E2F3: variants seen among roughly 807,000 people sequenced by gnomAD.
E2F3 encodes E2F transcription factor 3.
Under a neutral mutation model 44.4 loss-of-function variants are expected in E2F3, and 11 were observed. That is an observed-to-expected ratio of 0.25 (90% CI 0.16 to 0.41). The LOEUF (loss-of-function observed/expected upper bound fraction) is 0.41. E2F3 is among the 10% of genes least tolerant of loss of function. The pLI is 1.00. For missense variants in E2F3, 487 were observed against 583.6 expected (o/e 0.83, Z 1.70); for synonymous variants, 249 against 253.0 (o/e 0.98, Z 0.15).
chr6:20,443,034 G>C (rs1760826879), intron 1 of E2F3, among the ~76,000 whole-genome samples: 1 of 152,154 alleles, frequency 6.6e-6, no homozygotes, highest in African/African-American at 2.4e-5. Context: ...AACGCAGGTG[G>C]CTCATGGGCA....
At chr6:20,444,803 A>T (rs1760887202) in intron 1 of E2F3, among the ~76,000 whole-genome samples, 1 of 152,216 alleles carries the variant, frequency 6.6e-6, no homozygotes, top group Non-Finnish European at 1.5e-5. Context: ...GGTCTTGGAA[A>T]ATGTTGTATG....
intron 1 of E2F3, chr6:20,421,989 C>T (rs536078225): frequency 6.6e-5 from 10 of 152,344 alleles, no homozygotes; most frequent in African/African-American, 2.4e-4. Context: ...ACCAAAGAGT[C>T]AGCCTGTCTT....
intron 1 of E2F3, among the ~76,000 whole-genome samples, chr6:20,418,553 A>C (rs188794527): frequency 1.4e-4 from 22 of 152,376 alleles, no homozygotes; most frequent in Admixed American, 3.3e-4. Flanking sequence ...AAAGGCGGAC[A>C]AACTAGACTG....
intron 1 of E2F3, among the ~76,000 whole-genome samples, chr6:20,445,313 C>T (rs1428237642): frequency 6.6e-6 from 1 of 151,748 alleles, no homozygotes; most frequent in Non-Finnish European, 1.5e-5. Context: ...GATCTCAGCT[C>T]ATTGCAACCT....
rs1207714000 is a variant in E2F3 at position 20,490,773 on chromosome 6, G to A, written c.*343G>A. 2 of 242,748 alleles carry A rather than the reference G, an allele frequency of 8.2e-6. No homozygotes were observed. Among genetic ancestry groups the A allele is most frequent in the African/African-American group, 2.2e-5 (1 of 45,460 alleles). The allele number at this position is 242,748 out of a possible 1,614,324, so 15.0% of individuals were successfully genotyped here. On this transcript the variant is annotated 3_prime_UTR_variant, in exon 7 of 7. Coordinates refer to ENST00000346618, the MANE Select transcript of E2F3 (RefSeq NM_001949.5). The surrounding 1 kb of genome is among the most constrained non-coding windows in gnomAD (Gnocchi z 4.3). ...CCCGGATTGGCTTGCTGTGCCTGAC[G>A]GATGGGCTGTAGAATGGGGTCTGGC...
At chr6:20,474,759 C>T (rs754937645) in intron 1 of E2F3, among the ~76,000 whole-genome samples, 3 of 152,204 alleles carry the variant, frequency 2.0e-5, no homozygotes, top group Non-Finnish European at 2.9e-5. Flanking sequence ...GCTGCTCCAT[C>T]AAATATCAAA....
chr6:20,451,222 C>G (rs532802144), intron 1 of E2F3, among the ~76,000 whole-genome samples: 1 of 151,728 alleles, frequency 6.6e-6, no homozygotes, highest in East Asian at 1.9e-4. Flanking sequence ...TATGTTTTCC[C>G]ATTTGTTTGT....
chr6:20,405,344 A>ATTTT (rs150647270), intron 1 of E2F3, among the ~76,000 whole-genome samples: 3 of 108,196 alleles, frequency 2.8e-5, no homozygotes, highest in African/African-American at 7.2e-5. Context: ...GGTTATCTGC[A>ATTTT]TTTTTTTTTT....
At chr6:20,486,252 T>C (rs1042588610) in intron 4 of E2F3, among the ~76,000 whole-genome samples, 2 of 152,180 alleles carry the variant, frequency 1.3e-5, no homozygotes, top group African/African-American at 2.4e-5. Context: ...ACCCTAAACA[T>C]TTGCACATCC....
chr6:20,466,215 C>T (rs1761706487), intron 1 of E2F3, among the ~76,000 whole-genome samples: 3 of 152,042 alleles, frequency 2.0e-5, no homozygotes, highest in African/African-American at 7.2e-5. Flanking sequence ...TAGGTTCAAG[C>T]GATTCTCCTA....
chr6:20,458,467 A>G (rs576189957), intron 1 of E2F3, among the ~76,000 whole-genome samples: 1 of 151,960 alleles, frequency 6.6e-6, no homozygotes, highest in South Asian at 2.1e-4. Flanking sequence ...CTCCCAGACC[A>G]TTTCTCCACT....
chr6:20,452,994 TGTTTG>T (rs1342684918), intron 1 of E2F3, among the ~76,000 whole-genome samples: 481 of 2,676 alleles, frequency 0.18, 19 homozygotes, highest in East Asian at 0.51. Context: ...TCTTTCTTTT[TGTTTG>T]TTTGTTTGTT....
chr6:20,463,676 G>A (rs922160265), intron 1 of E2F3, among the ~76,000 whole-genome samples: 4 of 152,132 alleles, frequency 2.6e-5, no homozygotes, highest in South Asian at 2.1e-4. Flanking sequence ...TTCACATCAC[G>A]CTTCTGACAC....
At chr6:20,423,246 T>A (rs1760086790) in intron 1 of E2F3, among the ~76,000 whole-genome samples, 1 of 152,224 alleles carries the variant, frequency 6.6e-6, no homozygotes, top group Admixed American at 6.5e-5. Flanking sequence ...TATAGCCTAC[T>A]ATACCCCAAG....
chr6:20,453,345 T>C (rs1214609264), intron 1 of E2F3, among the ~76,000 whole-genome samples: 1 of 152,230 alleles, frequency 6.6e-6, no homozygotes, highest in Non-Finnish European at 1.5e-5. Flanking sequence ...TTTTTTTACA[T>C]TTAAATATTT....
At chr6:20,486,429 C>T (rs1326469718) in intron 4 of E2F3, among the ~76,000 whole-genome samples, 2 of 152,154 alleles carry the variant, frequency 1.3e-5, no homozygotes, top group Admixed American at 6.5e-5. Flanking sequence ...CCCGCCACCA[C>T]GCCTGGCTAA....
At position 20,490,607 on chromosome 6, in the gene E2F3, A is replaced by T. The variant is rs1762529547; in HGVS notation, c.*177A>T. 2 of 640,192 alleles carry T rather than the reference A, an allele frequency of 3.1e-6. No homozygotes were observed. Among genetic ancestry groups the T allele is most frequent in the African/African-American group, 3.8e-5 (2 of 52,640 alleles). The allele number at this position is 640,192 out of a possible 1,614,324, so 39.7% of individuals were successfully genotyped here. Reference sequence around the variant, plus strand: ...TGAATTTTTTAAAAAATTAATAAACAAATTGTCTAAACGCACAGTTGCAGG... The same window carrying T: ...TGAATTTTTTAAAAAATTAATAAACTAATTGTCTAAACGCACAGTTGCAGG... On this transcript the variant is annotated 3_prime_UTR_variant, in exon 7 of 7. Transcript: ENST00000346618. This position sits in a 1 kb window ranked among gnomAD's most constrained non-coding sequence, Gnocchi z 4.3.
At chr6:20,462,649 G>C (rs564216017) in intron 1 of E2F3, among the ~76,000 whole-genome samples, 1 of 151,510 alleles carries the variant, frequency 6.6e-6, no homozygotes, top group Non-Finnish European at 1.5e-5. Context: ...GTAGAGACAG[G>C]GTTTCACCAG....
chr6:20,427,329 C>T (rs1435862643), intron 1 of E2F3, among the ~76,000 whole-genome samples: 1 of 152,166 alleles, frequency 6.6e-6, no homozygotes, highest in Non-Finnish European at 1.5e-5. Context: ...TAACCAAACA[C>T]TTTGTATTTG....
Sources: allele counts gnomAD v4.1 joint callset (sites outside exome capture counted in the v4.1 genomes callset), GRCh38; gene constraint gnomAD v4.1.1; non-coding constraint Gnocchi (gnomAD v3.1); transcripts MANE v1.5; gene names NCBI Gene and HGNC (gene_info 2026-07-23, HGNC 2026-07-21).